HDAC8: variants seen among roughly 807,000 people sequenced by gnomAD.
The protein encoded by HDAC8 is histone deacetylase 8.
In HDAC8, 1 loss-of-function variant was observed where a neutral mutation model predicts 32.2. The observed-to-expected ratio is 0.03, with a 90% CI of 0.01 to 0.15. The LOEUF is 0.15. Ranked by LOEUF, HDAC8 falls within the 10% of genes least tolerant of loss-of-function variation. The pLI, the probability that HDAC8 is intolerant of heterozygous loss-of-function variation, is 1.00. For synonymous variants in HDAC8, 108 were observed against 113.9 expected, an observed-to-expected ratio of 0.95 and a Z score of 0.33; for missense variants, 117 against 300.0, an observed-to-expected ratio of 0.39 and a Z score of 4.51.
chrX:72,407,754 G>A (rs1319916849), intron 9 of HDAC8, among the ~76,000 whole-genome samples: 5 of 112,238 alleles, frequency 4.5e-5, no homozygotes, highest in African/African-American at 1.6e-4. Flanking sequence ...CTCCAGAGCT[G>A]TAAGAGAATA....
At chrX:72,379,193 T>C (rs1555959201) in intron 9 of HDAC8, among the ~76,000 whole-genome samples, 2 of 111,321 alleles carry the variant, frequency 1.8e-5, no homozygotes, top group Non-Finnish European at 3.8e-5. Context: ...TTCTATTTAT[T>C]GATATTTATT....
intron 9 of HDAC8, among the ~76,000 whole-genome samples, chrX:72,380,421 G>T (rs1333699935): frequency 8.9e-6 from 1 of 112,019 alleles, no homozygotes; most frequent in African/African-American, 3.2e-5. Flanking sequence ...CTTGGAAGGA[G>T]CTCCAACATT....
chrX:72,359,985 C>G (rs1325683084), intron 9 of HDAC8, among the ~76,000 whole-genome samples: 1 of 107,658 alleles, frequency 9.3e-6, no homozygotes, highest in African/African-American at 3.4e-5. Flanking sequence ...ACCCAGGAGG[C>G]AGAGGTTGCA....
chrX:72,398,204 T>A (rs2045811149), intron 9 of HDAC8, among the ~76,000 whole-genome samples: 2 of 112,543 alleles, frequency 1.8e-5, no homozygotes, highest in Non-Finnish European at 3.8e-5. Flanking sequence ...TGGTTTTAAT[T>A]TACATTTCCC....
chrX:72,524,311 A>T (rs1218563433), intron 4 of HDAC8, among the ~76,000 whole-genome samples: 1 of 111,908 alleles, frequency 8.9e-6, no homozygotes, highest in Non-Finnish European at 1.9e-5. Context: ...ACTGGATTCT[A>T]AGGTACCAGC....
At chrX:72,562,873 A>AT (rs1300801686) in intron 4 of HDAC8, among the ~76,000 whole-genome samples, 4 of 98,842 alleles carry the variant, frequency 4.0e-5, no homozygotes, top group African/African-American at 1.5e-4. Context: ...TTTAAGACCT[A>AT]TTTTTTTTCT....
chrX:72,572,599 G>GCCCCC, intron 1 of HDAC8, 52 bp downstream of exon 1: 1 of 453,090 alleles, frequency 2.2e-6, no homozygotes, highest in Non-Finnish European at 3.3e-6. Flanking sequence ...TTCGTCCACC[G>GCCCCC]CCCCCACCCC....
intron 2 of HDAC8, among the ~76,000 whole-genome samples, chrX:72,569,280 T>G (rs1256084635): frequency 8.9e-6 from 1 of 112,247 alleles, no homozygotes; most frequent in Non-Finnish European, 1.9e-5. Flanking sequence ...TTCAGCTATA[T>G]CTTTATTTTA....
intron 4 of HDAC8, among the ~76,000 whole-genome samples, chrX:72,530,637 T>G (rs2050306897): frequency 9.0e-6 from 1 of 111,021 alleles, no homozygotes; most frequent in African/African-American, 3.3e-5. Context: ...TGTTATCTTA[T>G]GCTTCCTTTT....
At chrX:72,428,959 C>A (rs139091858) in intron 9 of HDAC8, among the ~76,000 whole-genome samples, 1 of 109,917 alleles carries the variant, frequency 9.1e-6, no homozygotes, top group Admixed American at 9.6e-5. Context: ...GTGAAAGCAA[C>A]TAGTAAAGTA....
intron 9 of HDAC8, among the ~76,000 whole-genome samples, chrX:72,437,435 G>T (rs2046984153): frequency 9.0e-6 from 1 of 111,439 alleles, no homozygotes; most frequent in African/African-American, 3.3e-5. Flanking sequence ...CACTGAGCTA[G>T]CTTCAGGAGT....
At chrX:72,456,252 A>G (rs377491960) in intron 9 of HDAC8, among the ~76,000 whole-genome samples, 3 of 111,760 alleles carry the variant, frequency 2.7e-5, no homozygotes, top group East Asian at 2.8e-4. Flanking sequence ...AAAACATGTT[A>G]TTTGTGCTAA....
chrX:72,473,628 G>T (rs186861482), intron 7 of HDAC8: 2 of 721,453 alleles, frequency 2.8e-6, no homozygotes, highest in East Asian at 3.1e-4. Flanking sequence ...AGGCATCCAG[G>T]CACCAGAGTT....
chrX:72,366,816 A>G (rs1292202493), intron 9 of HDAC8, among the ~76,000 whole-genome samples: 2 of 111,533 alleles, frequency 1.8e-5, no homozygotes, highest in Non-Finnish European at 3.8e-5. Flanking sequence ...GACATCATGA[A>G]AAAAACAAAC....
At chrX:72,514,841 T>A (rs1160396511) in intron 4 of HDAC8, among the ~76,000 whole-genome samples, 1 of 111,820 alleles carries the variant, frequency 8.9e-6, no homozygotes, top group Non-Finnish European at 1.9e-5. Context: ...TTTATTCCAC[T>A]TACAGAAGAG....
intron 3 of HDAC8, among the ~76,000 whole-genome samples, chrX:72,568,548 T>G (rs1855843760): frequency 8.9e-6 from 1 of 112,678 alleles, no homozygotes; most frequent in African/African-American, 3.2e-5. Flanking sequence ...CATAAGCAAC[T>G]GAAAGGTTTT....
chrX:72,344,340 G>T (rs1555946200), intron 10 of HDAC8, among the ~76,000 whole-genome samples: 1 of 111,584 alleles, frequency 9.0e-6, no homozygotes, highest in Non-Finnish European at 1.9e-5. Flanking sequence ...CTTTGGTAAA[G>T]TATCATCAAA....
intron 9 of HDAC8, among the ~76,000 whole-genome samples, chrX:72,451,952 G>A (rs1248585585): frequency 1.8e-5 from 2 of 112,120 alleles, no homozygotes; most frequent in African/African-American, 3.2e-5. Context: ...CAATCTCACT[G>A]AGTAGAGGAG....
chrX:72,547,644 G>A (rs1556058829), intron 4 of HDAC8, among the ~76,000 whole-genome samples: 1 of 110,867 alleles, frequency 9.0e-6, no homozygotes, highest in Non-Finnish European at 1.9e-5. Context: ...TAAGTAGCCA[G>A]CTTGAAGAAT....
Sources: allele counts gnomAD v4.1 joint callset (sites outside exome capture counted in the v4.1 genomes callset), GRCh38; gene constraint gnomAD v4.1.1; transcripts MANE v1.5; gene names NCBI Gene and HGNC (gene_info 2026-07-23, HGNC 2026-07-21).